TSPAN14: variants seen among roughly 807,000 people sequenced by gnomAD.
The protein encoded by TSPAN14 is tetraspanin-14.
Under a neutral mutation model 36.6 loss-of-function variants are expected in TSPAN14, and 16 were observed. The observed-to-expected ratio is 0.44, with a 90% CI of 0.30 to 0.66. TSPAN14 has a LOEUF of 0.66. Among genes scored for constraint, TSPAN14 ranks in the 30% least tolerant of loss-of-function variants. The pLI is 0.12. For missense variants in TSPAN14, 231 were observed against 355.1 expected (o/e 0.65, Z 2.81); for synonymous variants, 139 against 143.8 (o/e 0.97, Z 0.24).
intron 1 of TSPAN14, among the ~76,000 whole-genome samples, chr10:80,475,610 CAG>C (rs1318814019): frequency 6.6e-6 from 1 of 152,034 alleles, no homozygotes; most frequent in Non-Finnish European, 1.5e-5. Flanking sequence ...GTTGTTGAGA[CAG>C]AGTCTCGCTC....
At chr10:80,514,974 C>G (rs2132065018) in intron 7 of TSPAN14, among the ~76,000 whole-genome samples, 1 of 152,244 alleles carries the variant, frequency 6.6e-6, no homozygotes, top group Non-Finnish European at 1.5e-5. Context: ...GGGCCCTCAT[C>G]CGACACTGAA....
chr10:80,471,124 G>A (rs538503370), intron 1 of TSPAN14, among the ~76,000 whole-genome samples: 92 of 151,972 alleles, frequency 6.1e-4, no homozygotes, highest in African/African-American at 2.1e-3. Context: ...CTTAGTGAAG[G>A]GAGTCATGTT....
intron 2 of TSPAN14, among the ~76,000 whole-genome samples, chr10:80,501,840 T>C (rs1231083754): frequency 6.6e-6 from 1 of 152,130 alleles, no homozygotes; most frequent in African/African-American, 2.4e-5. Flanking sequence ...ACTGTCCTGG[T>C]CTTGAATCCT....
At chr10:80,468,373 G>T (rs75946277) in intron 1 of TSPAN14, among the ~76,000 whole-genome samples, 3,329 of 152,234 alleles carry the variant, frequency 0.022, 107 homozygotes, top group African/African-American at 0.076. Flanking sequence ...TGAGAAATGG[G>T]AATAAAAATA....
rs115622065 is a variant in TSPAN14, at chr10:80,460,722, T to C, written c.-18+6351T>C. Among the ~76,000 whole-genome samples, 943 of 152,334 alleles carry C rather than the reference T, an allele frequency of 6.2e-3. 11 individuals are homozygous for C. Among genetic ancestry groups the C allele is most frequent in the African/African-American group, 0.022 (899 of 41,584 alleles). ...CTTGGCTCCCTTGCTCTTGGCCTGC[T>C]GGATTTCCCCTCTGCACCCAGGAAA... On this transcript the variant is annotated intron_variant, in intron 1 of 8. Coordinates refer to ENST00000429989, the Ensembl canonical transcript of TSPAN14.
chr10:80,473,561 G>C (rs1846678428), intron 1 of TSPAN14, among the ~76,000 whole-genome samples: 1 of 152,058 alleles, frequency 6.6e-6, no homozygotes, highest in African/African-American at 2.4e-5. Context: ...CCAGGGCAGT[G>C]TTTGTCACCC....
chr10:80,511,007 G>C (rs954762985), intron 5 of TSPAN14, among the ~76,000 whole-genome samples: 2 of 152,240 alleles, frequency 1.3e-5, no homozygotes, highest in South Asian at 4.1e-4. Flanking sequence ...GTGGAGGTGT[G>C]GGGGAGACAA....
At chr10:80,473,191 T>A (rs1174128134) in intron 1 of TSPAN14, among the ~76,000 whole-genome samples, 1 of 152,166 alleles carries the variant, frequency 6.6e-6, no homozygotes, top group African/African-American at 2.4e-5. Flanking sequence ...GGCCCAGTGC[T>A]TCTCCCACTG....
chr10:80,455,535 C>T (rs1845697214), intron 1 of TSPAN14, among the ~76,000 whole-genome samples: 1 of 152,162 alleles, frequency 6.6e-6, no homozygotes, highest in Non-Finnish European at 1.5e-5. Context: ...TTCCCCTTGC[C>T]CCTTGACCTT....
At chr10:80,500,204 G>A (rs999704746) in intron 2 of TSPAN14, among the ~76,000 whole-genome samples, 1 of 151,076 alleles carries the variant, frequency 6.6e-6, no homozygotes, top group African/African-American at 2.4e-5. Context: ...CTGGGCCACT[G>A]TTCATTGAAC....
At chr10:80,507,485 C>T (rs1840362793) in intron 4 of TSPAN14, 111 bp downstream of exon 4, 5 of 1,450,914 alleles carry the variant, frequency 3.4e-6, no homozygotes, top group African/African-American at 2.8e-5. Context: ...AGGAGCCTCC[C>T]CTAGGCCCCT....
chr10:80,518,323 C>A, exon 9 of TSPAN14: 1 of 330,332 alleles, frequency 3.0e-6, no homozygotes, highest in South Asian at 3.5e-5. Context: ...GCAGGACACC[C>A]TGGTCCCCTC....
At chr10:80,469,743 T>C (rs1405372902) in intron 1 of TSPAN14, among the ~76,000 whole-genome samples, 1 of 152,218 alleles carries the variant, frequency 6.6e-6, no homozygotes, top group African/African-American at 2.4e-5. Flanking sequence ...TTTTCATGGC[T>C]TCTTTGGAAA....
At chr10:80,499,898 A>T (rs1213486278) in intron 2 of TSPAN14, among the ~76,000 whole-genome samples, 1 of 133,958 alleles carries the variant, frequency 7.5e-6, no homozygotes, top group Non-Finnish European at 1.7e-5. Context: ...TAATTCAATT[A>T]GGTCATGGGA....
chr10:80,479,863 A>G (rs541005690), intron 1 of TSPAN14, among the ~76,000 whole-genome samples: 1 of 150,212 alleles, frequency 6.7e-6, no homozygotes, highest in Non-Finnish European at 1.5e-5. Context: ...GATGGCATTG[A>G]ATCTATAAAT....
intron 2 of TSPAN14, among the ~76,000 whole-genome samples, chr10:80,496,643 GT>G (rs1278368289): frequency 6.6e-6 from 1 of 152,090 alleles, no homozygotes; most frequent in Non-Finnish European, 1.5e-5. Flanking sequence ...CAGAGGCTCG[GT>G]TTAGTTTTTT....
chr10:80,478,538 A>G (rs1030354436), intron 1 of TSPAN14, among the ~76,000 whole-genome samples: 2 of 152,240 alleles, frequency 1.3e-5, no homozygotes, highest in Admixed American at 1.3e-4. Context: ...GACCCAGACT[A>G]GTACCCTCAG....
chr10:80,492,160 G>A (rs755608786), intron 2 of TSPAN14, among the ~76,000 whole-genome samples: 1 of 152,138 alleles, frequency 6.6e-6, no homozygotes, highest in Non-Finnish European at 1.5e-5. Context: ...AAAGTGGAAT[G>A]CCCAAGCCCT....
chr10:80,511,456 G>A (rs1212079278), intron 5 of TSPAN14, among the ~76,000 whole-genome samples: 1 of 152,112 alleles, frequency 6.6e-6, no homozygotes, highest in African/African-American at 2.4e-5. Context: ...GTGCCGAGGG[G>A]GCCACAAAGG....
Sources: allele counts gnomAD v4.1 joint callset (sites outside exome capture counted in the v4.1 genomes callset), GRCh38; gene constraint gnomAD v4.1.1; transcripts MANE v1.5; gene names NCBI Gene and HGNC (gene_info 2026-07-23, HGNC 2026-07-21).